Variants in GPAM observed in about 807,000 individuals in gnomAD.
GPAM encodes glycerol-3-phosphate acyltransferase 1, mitochondrial.
GPAM carries 56 observed loss-of-function variants against 105.0 expected under a neutral mutation model. The ratio of observed to expected loss-of-function variants is 0.53; its 90% confidence interval spans 0.43 to 0.67. The LOEUF (loss-of-function observed/expected upper bound fraction) is 0.67, where lower values mean the gene tolerates loss of function less well. Ranked by LOEUF, GPAM falls within the 30% of genes least tolerant of loss-of-function variation. GPAM has a pLI of 0.00. For missense variants in GPAM, 855 were observed against 989.8 expected (o/e 0.86, Z 1.83); for synonymous variants, 368 against 354.4 (o/e 1.04, Z -0.43).
rs777452140 is a variant in GPAM at position 112,150,717 on chromosome 10, A to G, written c.*2833T>C. 2.7e-5 allele frequency: 26 copies of G among 976,026 alleles called. No individual in the cohort carries two copies. The highest frequency in any genetic ancestry group is 3.0e-5 in the Non-Finnish European group (25 of 821,532). The allele number at this position is 976,026 out of a possible 1,614,324, so 60.5% of individuals were successfully genotyped here. ...CCGGATGCCAAGCCCTTACTGCGCT[A>G]AAGTGCATTGTAAGTTTCCAGGTGC... On this transcript the variant is annotated 3_prime_UTR_variant, in exon 22 of 22. Coordinates refer to ENST00000348367, the MANE Select transcript of GPAM (RefSeq NM_001244949.2).
At chr10:112,168,589 A>G in intron 10 of GPAM, 65 bp from the exon 11 acceptor site, 1 of 1,128,052 alleles carries the variant, frequency 8.9e-7, no homozygotes, top group Non-Finnish European at 1.4e-6. Flanking sequence ...AGCTCAGAAA[A>G]ATTAAATCTT....
chr10:112,200,412 C>T (rs1031123610), intron 1 of GPAM, among the ~76,000 whole-genome samples: 6 of 151,750 alleles, frequency 4.0e-5, no homozygotes, highest in African/African-American at 4.8e-5. Flanking sequence ...TTCAGCCTCT[C>T]GAGTAGCTGG....
chr10:112,199,593 A>G (rs539042497), intron 1 of GPAM, among the ~76,000 whole-genome samples: 1 of 152,326 alleles, frequency 6.6e-6, no homozygotes, highest in South Asian at 2.1e-4. Context: ...AATTAGCTCG[A>G]TTTAATCATT....
intron 1 of GPAM, among the ~76,000 whole-genome samples, chr10:112,201,254 A>T (rs1246751795): frequency 6.6e-6 from 1 of 152,210 alleles, no homozygotes; most frequent in Non-Finnish European, 1.5e-5. Flanking sequence ...GACCCTACTC[A>T]TTCCTCTGTT....
the GPAM span, among the ~76,000 whole-genome samples, chr10:112,221,806 T>C: frequency 6.6e-6 from 1 of 152,168 alleles, no homozygotes; most frequent in South Asian, 2.1e-4. Flanking sequence ...GCTATAATCA[T>C]AACAGGGAAT....
At chr10:112,161,905 T>C (rs942894887) in intron 14 of GPAM, among the ~76,000 whole-genome samples, 168 bp from the exon 15 acceptor site, 3 of 152,252 alleles carry the variant, frequency 2.0e-5, no homozygotes, top group Admixed American at 1.3e-4. Context: ...TACAGTGTTC[T>C]GGTATAATGG....
At chr10:112,159,504 T>A (rs1182965800) in intron 17 of GPAM, among the ~76,000 whole-genome samples, 1 of 152,154 alleles carries the variant, frequency 6.6e-6, no homozygotes, top group Non-Finnish European at 1.5e-5. Context: ...ATTACAGGCG[T>A]GAGCCACCGC....
At chr10:112,180,189 C>T (rs1220528307) in intron 4 of GPAM, among the ~76,000 whole-genome samples, 5 of 152,198 alleles carry the variant, frequency 3.3e-5, no homozygotes, top group Admixed American at 2.6e-4. Flanking sequence ...TTCCCACTAA[C>T]TCCTTTGAAG....
chr10:112,172,409 C>A, intron 8 of GPAM, 91 bp from the exon 9 acceptor site: 1 of 939,488 alleles, frequency 1.1e-6, no homozygotes, highest in Non-Finnish European at 1.7e-6. Flanking sequence ...CACTCAAACA[C>A]TGGCTAATCA....
At chr10:112,176,326 A>T (rs1333652293) in intron 5 of GPAM, among the ~76,000 whole-genome samples, 1 of 152,196 alleles carries the variant, frequency 6.6e-6, no homozygotes, top group East Asian at 1.9e-4. Flanking sequence ...GGGATAGAAC[A>T]TATTCCTGTC....
intron 10 of GPAM, 110 bp from the exon 11 acceptor site, chr10:112,168,634 C>CTGACAAAGTATCTTA (rs1204339934): frequency 1.3e-6 from 1 of 788,076 alleles, no homozygotes; most frequent in Non-Finnish European, 2.2e-6. Context: ...AACTTCACTA[C>CTGACAAAGTATCTTA]TGACAAAGTA....
upstream of GPAM, among the ~76,000 whole-genome samples, chr10:112,185,611 CACACAG>C (rs1467810959): frequency 1.1e-5 from 1 of 93,296 alleles, no homozygotes; most frequent in African/African-American, 4.0e-5. Flanking sequence ...CACACACACA[CACACAG>C]GATTAATAGG....
At chr10:112,154,824 C>T (rs1479085732) in intron 20 of GPAM, 137 bp from the exon 21 acceptor site, 1 of 714,704 alleles carries the variant, frequency 1.4e-6, no homozygotes, top group Non-Finnish European at 2.5e-6. Context: ...GGCCCCACTT[C>T]CACCACTGGC....
the GPAM span, among the ~76,000 whole-genome samples, chr10:112,220,657 C>T: frequency 3.3e-5 from 5 of 152,128 alleles, no homozygotes; most frequent in Non-Finnish European, 5.9e-5. Flanking sequence ...ACTCCTGTAA[C>T]GAGGACAATT....
rs141364856 is a variant in GPAM, at chr10:112,210,889, G to A, written n.210+4279C>T. ...AGTGGAAAGCATTGGGAGCACTCAT[G>A]GGCAGCCAAGGAACAGACCTAGGCC... is the stretch of plus-strand genomic sequence containing the variant. On this transcript the variant is annotated intron_variant and non_coding_transcript_variant, in intron 1 of 3. Transcript: ENST00000480130. Among the ~76,000 whole-genome samples the A allele has an allele frequency of 4.0e-3, 606 of 152,350 alleles. 5 individuals carry two copies. Among genetic ancestry groups the A allele is most frequent in the African/African-American group, 0.014 (584 of 41,588 alleles).
the GPAM span, among the ~76,000 whole-genome samples, chr10:112,221,842 G>A: frequency 6.6e-6 from 1 of 152,108 alleles, no homozygotes; most frequent in Non-Finnish European, 1.5e-5. Flanking sequence ...TATGAACCAA[G>A]CACTTCATAT....
chr10:112,170,140 T>C (rs1469648288), intron 9 of GPAM, among the ~76,000 whole-genome samples: 2 of 152,188 alleles, frequency 1.3e-5, no homozygotes, highest in African/African-American at 4.8e-5. Flanking sequence ...CCATGGTCTG[T>C]GGAAATTGTC....
Position 112,153,576 on chromosome 10 carries a change from A to G in GPAM, c.2461T>C (p.Tyr821His). The G allele has an allele frequency of 6.2e-7, 1 of 1,614,058 alleles. No individual in the cohort carries two copies. Among genetic ancestry groups the G allele is most frequent in the Non-Finnish European group, 8.5e-7 (1 of 1,179,916 alleles). The change falls in exon 22 of 22, where the codon TAT becomes CAT. Residue 821 changes from tyrosine to histidine, a missense_variant. Coordinates refer to ENST00000348367, the MANE Select transcript of GPAM (RefSeq NM_001244949.2). ...TACAGCACCACAAAACTCAGAATAT[A>G]TTCTAGAAGTTTTTGTCGGTTGCAT... ...PQCNRQKLLE[Y>H]ILSFVVL
intron 1 of GPAM, among the ~76,000 whole-genome samples, chr10:112,194,704 C>T (rs1671837324): frequency 2.0e-5 from 3 of 152,110 alleles, no homozygotes; most frequent in Admixed American, 2.0e-4. Flanking sequence ...GGATGGCTTG[C>T]TGAGCAAGTC....
Sources: gnomAD v4.1 joint callset for allele counts (sites outside exome capture counted in the v4.1 genomes callset) on GRCh38, gnomAD v4.1.1 for gene constraint, MANE v1.5 for transcripts, NCBI Gene and HGNC (gene_info 2026-07-23, HGNC 2026-07-21) for gene names.